FAM83B: variants seen among roughly 807,000 people sequenced by gnomAD.
FAM83B encodes the protein scaffolding CK1 anchoring protein B.
Under a neutral mutation model 38.8 loss-of-function variants are expected in FAM83B, and 26 were observed. The observed-to-expected ratio is 0.67, with a 90% CI of 0.49 to 0.93. The LOEUF (loss-of-function observed/expected upper bound fraction) is 0.93. Among genes scored for constraint, FAM83B ranks in the 40% least tolerant of loss-of-function variants. The pLI is 0.00. For missense variants in FAM83B, 1,237 were observed against 1,197.3 expected (o/e 1.03, Z -0.49); for synonymous variants, 419 against 423.1 (o/e 0.99, Z 0.12).
intron 2 of FAM83B, among the ~76,000 whole-genome samples, chr6:54,911,335 A>G (rs912523602): frequency 1.3e-5 from 2 of 151,946 alleles, no homozygotes. Flanking sequence ...GCAGTCTGAC[A>G]TTAAGTCTAA....
intron 2 of FAM83B, among the ~76,000 whole-genome samples, chr6:54,907,610 T>TC (rs1425875380): frequency 2.8e-4 from 41 of 148,662 alleles, no homozygotes; most frequent in Non-Finnish European, 5.9e-4. Flanking sequence ...GATATTTTCA[T>TC]AGAGAATGTT....
chr6:54,889,441 C>T (rs1374087796), intron 2 of FAM83B, among the ~76,000 whole-genome samples: 2 of 152,014 alleles, frequency 1.3e-5, no homozygotes, highest in Admixed American at 1.3e-4. Flanking sequence ...TTTAAAATAA[C>T]ACTACCGCAG....
intron 2 of FAM83B, among the ~76,000 whole-genome samples, chr6:54,885,098 C>A (rs951974653): frequency 6.6e-6 from 1 of 151,902 alleles, no homozygotes; most frequent in Non-Finnish European, 1.5e-5. Context: ...TTCAGTATTG[C>A]CTTGGCTACT....
At chr6:54,933,746 G>T (rs1488367278) in intron 4 of FAM83B, among the ~76,000 whole-genome samples, 1 of 152,042 alleles carries the variant, frequency 6.6e-6, no homozygotes, top group Non-Finnish European at 1.5e-5. Flanking sequence ...GGTTTAACAT[G>T]CTGCTTACCT....
intron 1 of FAM83B, among the ~76,000 whole-genome samples, chr6:54,854,764 G>A (rs757455720): frequency 6.6e-6 from 1 of 151,968 alleles, no homozygotes; most frequent in Admixed American, 6.6e-5. Context: ...CGTATGCCTA[G>A]GTGTGAAAGT....
At chr6:54,885,106 A>G (rs1005946498) in intron 2 of FAM83B, among the ~76,000 whole-genome samples, 17 of 151,794 alleles carry the variant, frequency 1.1e-4, no homozygotes, top group Non-Finnish European at 2.9e-5. Flanking sequence ...TGCCTTGGCT[A>G]CTCTAAATCT....
chr6:54,853,356 G>T (rs1476322891), intron 1 of FAM83B, among the ~76,000 whole-genome samples: 4 of 152,182 alleles, frequency 2.6e-5, no homozygotes, highest in South Asian at 2.1e-4. Flanking sequence ...TCTAGTGGAA[G>T]AAGATGCCAT....
intron 2 of FAM83B, among the ~76,000 whole-genome samples, chr6:54,873,723 G>T (rs1771921511): frequency 6.7e-6 from 1 of 149,130 alleles, no homozygotes. Flanking sequence ...AATATCTCAG[G>T]GAGAATCTTT....
chr6:54,931,282 C>T (rs145550493), intron 4 of FAM83B, among the ~76,000 whole-genome samples: 28 of 152,240 alleles, frequency 1.8e-4, no homozygotes, highest in African/African-American at 6.0e-4. Flanking sequence ...CAAGTGTTCT[C>T]TATGTGTTTG....
intron 2 of FAM83B, among the ~76,000 whole-genome samples, chr6:54,905,293 G>C (rs1022688412): frequency 2.0e-5 from 3 of 152,170 alleles, no homozygotes; most frequent in South Asian, 2.1e-4. Context: ...CAGGAAGCCA[G>C]TTATCTCCCT....
intron 2 of FAM83B, among the ~76,000 whole-genome samples, chr6:54,876,991 A>C (rs1772012488): frequency 6.6e-6 from 1 of 152,198 alleles, no homozygotes; most frequent in African/African-American, 2.4e-5. Context: ...AGTTTGTTGG[A>C]ATGGCAAAGC....
chr6:54,938,683 T>C (rs567392979), intron 4 of FAM83B, among the ~76,000 whole-genome samples: 183 of 152,328 alleles, frequency 1.2e-3, no homozygotes, highest in African/African-American at 4.2e-3. Context: ...GAGAATTGTC[T>C]ATTCATGTCT....
intron 1 of FAM83B, among the ~76,000 whole-genome samples, chr6:54,866,435 A>G (rs1175990362): frequency 1.3e-5 from 2 of 152,122 alleles, no homozygotes; most frequent in African/African-American, 4.8e-5. Flanking sequence ...ATATTTCTAT[A>G]ACTACAAAAA....
intron 2 of FAM83B, among the ~76,000 whole-genome samples, chr6:54,876,087 A>T (rs1290854705): frequency 1.3e-5 from 2 of 152,068 alleles, no homozygotes; most frequent in East Asian, 3.9e-4. Context: ...AAGGATCCTC[A>T]GTGACTTGTA....
chr6:54,911,409 T>C (rs1772906905), intron 2 of FAM83B, among the ~76,000 whole-genome samples: 1 of 152,042 alleles, frequency 6.6e-6, no homozygotes, highest in African/African-American at 2.4e-5. Flanking sequence ...CCTCAGGAAG[T>C]GGGGTTAGGA....
At chr6:54,913,683 A>G (rs1021859144) in intron 2 of FAM83B, among the ~76,000 whole-genome samples, 2 of 152,058 alleles carry the variant, frequency 1.3e-5, no homozygotes, top group African/African-American at 4.8e-5. Flanking sequence ...GAGGAATAAG[A>G]TAGAGTAAAA....
chr6:54,928,482 G>T (rs1020060369), intron 4 of FAM83B, among the ~76,000 whole-genome samples: 7 of 152,116 alleles, frequency 4.6e-5, no homozygotes, highest in Non-Finnish European at 8.8e-5. Flanking sequence ...ATGAGTTCAT[G>T]CATCCCAAAC....
chr6:54,878,664 T>C (rs1772054334), intron 2 of FAM83B, among the ~76,000 whole-genome samples: 1 of 152,112 alleles, frequency 6.6e-6, no homozygotes, highest in African/African-American at 2.4e-5. Flanking sequence ...AGAGGAAACA[T>C]GGAGGCTAGA....
At chr6:54,900,048 A>G (rs1241948056) in intron 2 of FAM83B, among the ~76,000 whole-genome samples, 1 of 152,244 alleles carries the variant, frequency 6.6e-6, no homozygotes, top group Non-Finnish European at 1.5e-5. Context: ...TACAAAACAC[A>G]GTATCACATT....
Sources: gnomAD v4.1 joint callset for allele counts (sites outside exome capture counted in the v4.1 genomes callset) on GRCh38, gnomAD v4.1.1 for gene constraint, MANE v1.5 for transcripts, NCBI Gene and HGNC (gene_info 2026-07-23, HGNC 2026-07-21) for gene names.